Variants in EVC2 observed in about 807,000 individuals in gnomAD.
The protein encoded by EVC2 is limbin.
In EVC2, 148 loss-of-function variants were observed where a neutral mutation model predicts 149.3. That is an observed-to-expected ratio of 0.99 (90% CI 0.87 to 1.14). The LOEUF (loss-of-function observed/expected upper bound fraction) is 1.14, where lower values mean the gene tolerates loss of function less well. Among genes scored for constraint, EVC2 ranks in the 50% most tolerant of loss-of-function variants. The pLI is 0.00. For synonymous variants in EVC2, 776 were observed against 649.9 expected (o/e 1.19, Z -2.95); for missense variants, 1,854 against 1,627.3 (o/e 1.14, Z -2.40).
rs886816833 is a variant in EVC2 at position 5,696,503 on chromosome 4, G to T, written c.283+1090C>A. 6.6e-6 allele frequency among the ~76,000 whole-genome samples: 1 copy of T among 152,196 alleles called. No homozygotes were observed. Among genetic ancestry groups the T allele is most frequent in the Non-Finnish European group, 1.5e-5 (1 of 68,034 alleles). On this transcript the variant is annotated intron_variant, in intron 2 of 21. Coordinates refer to ENST00000344408, the MANE Select transcript of EVC2 (RefSeq NM_147127.5). This position sits in a 1 kb window ranked among gnomAD's most constrained non-coding sequence, Gnocchi z 4.1. ...GGCCGGGGACCCACGCTGAGCCCAG[G>T]GGCCTGCACTGGAACTGTCACAGCC...
the EVC2 span, among the ~76,000 whole-genome samples, chr4:5,534,200 C>G: frequency 5.3e-5 from 8 of 152,140 alleles, no homozygotes; most frequent in African/African-American, 1.9e-4. Context: ...AAAAATGACA[C>G]TGATTTTAGA....
In EVC2 at chr4:5,622,683, A is replaced by G. The variant is rs200965949; in HGVS notation, c.2355T>C (p.Ala785=). ...QILEEHGKEM[A]ARAEQLEGEE... The stretch of plus-strand genomic sequence containing the variant: ...CCCCCTCCAGCTGCTCGGCCCGTGC[A>G]GCCATCTCCTTGCCGTGCTCCTCCA... Residue 785 remains alanine, a synonymous_variant, in exon 14 of 22, where the codon GCT becomes GCC. Coordinates refer to ENST00000344408, the MANE Select transcript of EVC2 (RefSeq NM_147127.5). The surrounding 1 kb of genome is among the most constrained non-coding windows in gnomAD (Gnocchi z 5.8). 1 of 1,614,044 alleles carries G rather than the reference A, an allele frequency of 6.2e-7. No individual in the cohort carries two copies. The highest frequency in any genetic ancestry group is 8.5e-7 in the Non-Finnish European group (1 of 1,180,006).
intron 16 of EVC2, among the ~76,000 whole-genome samples, chr4:5,608,072 C>T (rs1714539474): frequency 6.6e-6 from 1 of 152,146 alleles, no homozygotes; most frequent in Admixed American, 6.5e-5. Context: ...AACTCCACCA[C>T]TCGATGCTGG....
chr4:5,672,471 A>C (rs529210892), intron 7 of EVC2, among the ~76,000 whole-genome samples: 1 of 152,292 alleles, frequency 6.6e-6, no homozygotes, highest in South Asian at 2.1e-4. Flanking sequence ...TCTGGATGCC[A>C]AGGGAGAAAT....
At chr4:5,529,982 A>G in the EVC2 span, among the ~76,000 whole-genome samples, 1,770 of 151,986 alleles carry the variant, frequency 0.012, 12 homozygotes, top group Non-Finnish European at 0.017. This position sits in a 1 kb window ranked among gnomAD's most constrained non-coding sequence, Gnocchi z 4.5. Context: ...CGCCTGGCTA[A>G]TTTTTTAACT....
the EVC2 span, among the ~76,000 whole-genome samples, chr4:5,535,178 G>A: frequency 6.6e-6 from 1 of 152,138 alleles, no homozygotes; most frequent in Non-Finnish European, 1.5e-5. This position sits in a 1 kb window ranked among gnomAD's most constrained non-coding sequence, Gnocchi z 4.7. Flanking sequence ...CATCTCCAGT[G>A]AGCACAGACA....
intron 8 of EVC2, 150 bp from the exon 9 acceptor site, chr4:5,663,396 C>G (rs1719035669): frequency 8.8e-6 from 9 of 1,018,078 alleles, no homozygotes; most frequent in Admixed American, 5.6e-5. Context: ...CAAGCTTTTG[C>G]GAATGTCCCT....
chr4:5,615,415 T>C lies in EVC2; in HGVS notation c.2829+7A>G. On this transcript the variant is annotated splice_region_variant and intron_variant, in intron 16 of 21. Coordinates refer to ENST00000344408, the MANE Select transcript of EVC2 (RefSeq NM_147127.5). ...GAGAAACAGCTGGGTGAAGCAGATG[T>C]ACTGACCTTTTCCACCAGGTCTTCA... The C allele has an allele frequency of 6.2e-7, 1 of 1,614,176 alleles. No individual in the cohort carries two copies. The highest frequency in any genetic ancestry group is 8.5e-7 in the Non-Finnish European group (1 of 1,180,008).
intron 7 of EVC2, among the ~76,000 whole-genome samples, chr4:5,680,445 G>T (rs1482563718): frequency 6.6e-6 from 1 of 152,138 alleles, no homozygotes; most frequent in Non-Finnish European, 1.5e-5. Flanking sequence ...GAATTTTTCA[G>T]CTGCATTGTA....
intron 7 of EVC2, among the ~76,000 whole-genome samples, chr4:5,673,786 A>G (rs2151716372): frequency 6.6e-6 from 1 of 152,342 alleles, no homozygotes; most frequent in African/African-American, 2.4e-5. Flanking sequence ...TTGTTTACAG[A>G]GTTTGACTTC....
chr4:5,620,258 T>C (rs975220323), intron 14 of EVC2, among the ~76,000 whole-genome samples: 2 of 152,192 alleles, frequency 1.3e-5, no homozygotes, highest in East Asian at 1.9e-4. Context: ...GAATCCAAAG[T>C]GAAAGCAACT....
upstream of EVC2, chr4:5,708,749 G>A (rs1355915679): frequency 4.7e-6 from 2 of 427,912 alleles, no homozygotes; most frequent in Non-Finnish European, 4.1e-6. Context: ...GTTTGCTTGC[G>A]CCCAAACCGA....
chr4:5,542,904 G>T, exon 23 of EVC2: 1 of 326,604 alleles, frequency 3.1e-6, no homozygotes, highest in South Asian at 2.5e-5. Context: ...TGGTGTTCCA[G>T]GGCCACTGAA....
At chr4:5,643,814 G>C (rs1194318001) in intron 9 of EVC2, among the ~76,000 whole-genome samples, 1 of 152,080 alleles carries the variant, frequency 6.6e-6, no homozygotes, top group African/African-American at 2.4e-5. Context: ...CCAGCTACTC[G>C]GGTGGCTGAG....
intron 16 of EVC2, among the ~76,000 whole-genome samples, chr4:5,587,821 C>G (rs1045023525): frequency 6.6e-6 from 1 of 152,180 alleles, no homozygotes; most frequent in Admixed American, 6.5e-5. Flanking sequence ...CCGAACAGGA[C>G]AGGGATCTTC....
At chr4:5,627,354 A>G (rs1716188782) in intron 12 of EVC2, among the ~76,000 whole-genome samples, 1 of 152,248 alleles carries the variant, frequency 6.6e-6, no homozygotes, top group South Asian at 2.1e-4. Flanking sequence ...CCTTCAATTC[A>G]AGGCAAAGAA....
rs549783493 is a variant in EVC2, at chr4:5,614,861, CA to C, written c.2829+560del. ...GTGTGATGGTGGGTGCCTGTAATCC[CA>C]GCTACTCGGAAGGGTGAGGCAGAAG... On this transcript the variant is annotated intron_variant, in intron 16 of 21. Transcript: ENST00000344408. This position sits in a 1 kb window ranked among gnomAD's most constrained non-coding sequence, Gnocchi z 4.7. 1.0e-3 allele frequency among the ~76,000 whole-genome samples: 159 copies of C among 152,186 alleles called. No homozygotes were observed. The highest frequency in any genetic ancestry group is 3.7e-3 in the African/African-American group (154 of 41,510).
chr4:5,694,738 G>A (rs1721356948), intron 2 of EVC2, among the ~76,000 whole-genome samples: 1 of 152,158 alleles, frequency 6.6e-6, no homozygotes, highest in African/African-American at 2.4e-5. Context: ...CCTTACCTGG[G>A]TTGTGCAGCC....
At chr4:5,568,668 AC>A (rs779371030) in intron 19 of EVC2, 28 bp from the exon 20 acceptor site, 67 of 1,592,736 alleles carry the variant, frequency 4.2e-5, no homozygotes, top group Non-Finnish European at 5.0e-5. Context: ...GGGAGTTCAG[AC>A]CCTCGCCGCC....
Sources: gnomAD v4.1 joint callset for allele counts (sites outside exome capture counted in the v4.1 genomes callset) on GRCh38, gnomAD v4.1.1 for gene constraint, Gnocchi (gnomAD v3.1) non-coding constraint, MANE v1.5 for transcripts, NCBI Gene and HGNC (gene_info 2026-07-23, HGNC 2026-07-21) for gene names.